Variants in SMCO2 observed in about 807,000 individuals in gnomAD.
SMCO2 encodes single-pass membrane protein with coiled-coil domains 2, also known as single-pass membrane and coiled-coil domain-containing protein 2.
In SMCO2, 25 loss-of-function variants were observed where a neutral mutation model predicts 29.5. That is an observed-to-expected ratio of 0.85 (90% confidence interval 0.62 to 1.18). The LOEUF (loss-of-function observed/expected upper bound fraction) is 1.18. Ranked by LOEUF, SMCO2 falls within the 50% of genes most tolerant of loss-of-function variation. The pLI, the probability that SMCO2 is intolerant of heterozygous loss-of-function variation, is 0.00. For missense variants in SMCO2, 348 were observed against 344.5 expected (o/e 1.01, Z -0.08); for synonymous variants, 117 against 123.3 (o/e 0.95, Z 0.34).
intron 4 of SMCO2, among the ~76,000 whole-genome samples, chr12:27,482,725 C>T (rs1949655914): frequency 1.3e-5 from 2 of 152,126 alleles, no homozygotes; most frequent in African/African-American, 4.8e-5. Context: ...TGTTACTTGA[C>T]TCCTTTTAAT....
the SMCO2 span, among the ~76,000 whole-genome samples, chr12:27,427,041 T>C: frequency 0.02 from 3,089 of 152,328 alleles, 109 homozygotes; most frequent in African/African-American, 0.071. Context: ...CTTAAGAGAC[T>C]ACAGTTTGGT....
chr12:27,487,753 C>CTTTTTTTTTTTTTTTTTT (rs143131425), intron 4 of SMCO2, among the ~76,000 whole-genome samples: 1 of 129,452 alleles, frequency 7.7e-6, no homozygotes, highest in Non-Finnish European at 1.7e-5. Flanking sequence ...TCTTTTCTTT[C>CTTTTTTTTTTTTTTTTTT]TTTTTTTTTT....
chr12:27,474,650 A>T (rs2135549288), intron 3 of SMCO2, 136 bp from the exon 4 acceptor site: 2 of 947,732 alleles, frequency 2.1e-6, no homozygotes, highest in South Asian at 3.4e-5. Context: ...TAGCTTACAG[A>T]TGCATCAGAA....
chr12:27,462,114 T>G (rs1949463278), upstream of SMCO2, among the ~76,000 whole-genome samples: 2 of 152,218 alleles, frequency 1.3e-5, no homozygotes, highest in African/African-American at 4.8e-5. Flanking sequence ...GAGGTTGCTA[T>G]TACCACCACG....
chr12:27,458,660 C>T, the SMCO2 span, among the ~76,000 whole-genome samples: 6 of 152,096 alleles, frequency 3.9e-5, no homozygotes, highest in South Asian at 2.1e-4. Context: ...CCAACGTGGG[C>T]GGATCACCTG....
chr12:27,457,363 G>A, the SMCO2 span, among the ~76,000 whole-genome samples: 1 of 152,184 alleles, frequency 6.6e-6, no homozygotes, highest in Non-Finnish European at 1.5e-5. Context: ...CCCAAATTAT[G>A]TAGCCAGCCA....
chr12:27,479,949 G>A (rs1949627307), intron 4 of SMCO2, among the ~76,000 whole-genome samples: 1 of 152,194 alleles, frequency 6.6e-6, no homozygotes, highest in African/African-American at 2.4e-5. Context: ...TACGCTGTCT[G>A]GAAGCTGGGG....
At chr12:27,482,301 G>A (rs1949651760) in intron 4 of SMCO2, among the ~76,000 whole-genome samples, 1 of 151,962 alleles carries the variant, frequency 6.6e-6, no homozygotes, top group South Asian at 2.1e-4. Context: ...ATATTTTAAT[G>A]TTTTATATTT....
intron 5 of SMCO2, among the ~76,000 whole-genome samples, chr12:27,488,957 T>G (rs73088331): frequency 0.048 from 7,367 of 152,282 alleles, 227 homozygotes; most frequent in East Asian, 0.11. Flanking sequence ...AGAGTTCTTG[T>G]GTTGGTTTTC....
chr12:27,483,096 G>A (rs1949659457), intron 4 of SMCO2, among the ~76,000 whole-genome samples: 1 of 152,182 alleles, frequency 6.6e-6, no homozygotes, highest in Non-Finnish European at 1.5e-5. Flanking sequence ...AATGATATGT[G>A]TGCAATACAA....
intron 4 of SMCO2, among the ~76,000 whole-genome samples, chr12:27,481,302 T>G (rs763079763): frequency 3.3e-5 from 5 of 152,186 alleles, no homozygotes; most frequent in Non-Finnish European, 7.4e-5. Flanking sequence ...CTCCCTATAC[T>G]GGTCTCAGGG....
upstream of SMCO2, among the ~76,000 whole-genome samples, chr12:27,462,086 A>G (rs983902424): frequency 6.6e-6 from 1 of 152,234 alleles, no homozygotes. Context: ...TAACTGATGA[A>G]CATTTGGTAA....
chr12:27,429,393 T>C, the SMCO2 span, among the ~76,000 whole-genome samples: 1 of 151,956 alleles, frequency 6.6e-6, no homozygotes, highest in Non-Finnish European at 1.5e-5. Flanking sequence ...AATCCTACTG[T>C]TTAATACAAA....
chr12:27,501,426 A>C lies in SMCO2; in HGVS notation c.684-497A>C, dbSNP rs958432657. On this transcript the variant is annotated intron_variant, in intron 7 of 7. Transcript: ENST00000298876. ...GTGAGACTCCGTCTCAAAAAAAAAAAAAAAAAAAAAACAAACAAACAAAAC... is the reference window on the plus strand; with the variant it reads ...GTGAGACTCCGTCTCAAAAAAAAAACAAAAAAAAAAACAAACAAACAAAAC... Among the ~76,000 whole-genome samples, 541 of 143,316 alleles carry C rather than the reference A, an allele frequency of 3.8e-3. 45 individuals are homozygous for C. The highest frequency in any genetic ancestry group is 0.014 in the African/African-American group (477 of 34,824). The allele number at this position is 143,316 out of a possible 152,430, so 94.0% of individuals were successfully genotyped here.
At chr12:27,488,705 C>T (rs1949710093) in intron 5 of SMCO2, among the ~76,000 whole-genome samples, 158 bp downstream of exon 6, 1 of 152,192 alleles carries the variant, frequency 6.6e-6, no homozygotes, top group Admixed American at 6.5e-5. Flanking sequence ...CTGAGTAACA[C>T]TGCTTTTATC....
upstream of SMCO2, among the ~76,000 whole-genome samples, chr12:27,464,885 C>T (rs187755174): frequency 3.6e-4 from 54 of 150,936 alleles, no homozygotes; most frequent in East Asian, 9.7e-3. Flanking sequence ...AAAAATTAGC[C>T]GGGCATGGTG....
chr12:27,457,640 G>A, the SMCO2 span, among the ~76,000 whole-genome samples: 8,272 of 152,264 alleles, frequency 0.054, 272 homozygotes, highest in East Asian at 0.13. Context: ...TTCAGGCAAC[G>A]TGTGGGCTCA....
chr12:27,464,756 T>C (rs191529135), upstream of SMCO2, among the ~76,000 whole-genome samples: 640 of 133,312 alleles, frequency 4.8e-3, 3 homozygotes, highest in Middle Eastern at 0.025. Flanking sequence ...GCGTGGTGGC[T>C]CACGCCTGTA....
At chr12:27,470,362 T>C (rs962724953) in intron 1 of SMCO2, among the ~76,000 whole-genome samples, 1 of 152,228 alleles carries the variant, frequency 6.6e-6, no homozygotes, top group Non-Finnish European at 1.5e-5. Context: ...CTCTGTAGTA[T>C]TCTCCTTCGA....
Sources: allele counts gnomAD v4.1 joint callset (sites outside exome capture counted in the v4.1 genomes callset), GRCh38; gene constraint gnomAD v4.1.1; transcripts MANE v1.5; gene names NCBI Gene and HGNC (gene_info 2026-07-23, HGNC 2026-07-21).